The following NTM variants were observed in gnomAD, a reference collection of about 807,000 sequenced individuals.
The protein encoded by NTM is IgLON family member 2.
A neutral mutation model predicts 42.1 loss-of-function variants in NTM; 13 were observed. The ratio of observed to expected loss-of-function variants is 0.31; its 90% CI spans 0.20 to 0.49. The LOEUF (loss-of-function observed/expected upper bound fraction) is 0.49. Ranked by LOEUF, NTM falls within the 20% of genes least tolerant of loss-of-function variation. The pLI is 0.99. For missense variants in NTM, 373 were observed against 452.8 expected, an observed-to-expected ratio of 0.82 and a Z score of 1.60; for synonymous variants, 187 against 179.2, an observed-to-expected ratio of 1.04 and a Z score of -0.35.
intron 2 of NTM, among the ~76,000 whole-genome samples, chr11:132,142,587 C>A (rs532451761): frequency 6.6e-6 from 1 of 152,220 alleles, no homozygotes; most frequent in East Asian, 1.9e-4. Flanking sequence ...GAGGAGGTGA[C>A]AGAGTTGGCT....
intron 4 of NTM, among the ~76,000 whole-genome samples, chr11:132,221,808 C>T (rs2085217000): frequency 6.6e-6 from 1 of 152,148 alleles, no homozygotes; most frequent in Non-Finnish European, 1.5e-5. Flanking sequence ...GCATGAAAAT[C>T]AGGGGGCAGG....
Position 132,290,144 on chromosome 11 carries a change from G to A in NTM, c.527-17545G>A, listed in dbSNP as rs112991999. 9.6e-3 allele frequency among the ~76,000 whole-genome samples: 1,455 copies of A among 152,204 alleles called. 17 individuals carry two copies. Among genetic ancestry groups the A allele is most frequent in the Middle Eastern group, 0.034 (10 of 294 alleles). On this transcript the variant is annotated intron_variant, in intron 4 of 8. Coordinates refer to ENST00000683400, the MANE Select transcript of NTM (RefSeq NM_001352005.2). The stretch of plus-strand genomic sequence containing the variant: ...ATATTTCATTTATGTATTTTTGTCA[G>A]TTATAATGAATGGGAGAGAAAGGAT...
chr11:132,070,696 A>T (rs2057452136), intron 2 of NTM, among the ~76,000 whole-genome samples: 1 of 143,910 alleles, frequency 6.9e-6, no homozygotes, highest in African/African-American at 2.6e-5. Flanking sequence ...CGTCAAACTG[A>T]CCATCACAGG....
At chr11:131,850,829 C>T (rs1223451642) in intron 1 of NTM, among the ~76,000 whole-genome samples, 1 of 152,154 alleles carries the variant, frequency 6.6e-6, no homozygotes. Flanking sequence ...TGGGCTGAGG[C>T]GAGGGCACTG....
At chr11:132,314,754 G>C in intron 7 of NTM, 51 bp downstream of exon 7, 1 of 1,549,832 alleles carries the variant, frequency 6.5e-7, no homozygotes. Context: ...GTGCAGAACG[G>C]GAGAGCTGGG....
chr11:131,622,525 T>C (rs1313426429), intron 1 of NTM, among the ~76,000 whole-genome samples: 1 of 152,206 alleles, frequency 6.6e-6, no homozygotes, highest in Non-Finnish European at 1.5e-5. Context: ...TTTCATTTAT[T>C]ACCTCTAAAT....
chr11:132,300,622 T>G (rs2094807661), intron 4 of NTM, among the ~76,000 whole-genome samples: 1 of 152,230 alleles, frequency 6.6e-6, no homozygotes. Context: ...TTTTTAACAC[T>G]GATGGTTTCA....
At chr11:131,904,530 G>T (rs1164251172) in intron 1 of NTM, among the ~76,000 whole-genome samples, 2 of 152,168 alleles carry the variant, frequency 1.3e-5, no homozygotes, top group Non-Finnish European at 2.9e-5. Context: ...GCAGGCCCAA[G>T]ATGTTCTTAT....
At chr11:131,978,209 G>A (rs1232091787) in intron 2 of NTM, among the ~76,000 whole-genome samples, 1 of 152,102 alleles carries the variant, frequency 6.6e-6, no homozygotes, top group Non-Finnish European at 1.5e-5. Context: ...AATTGACAAT[G>A]GATGGAACAA....
intron 1 of NTM, among the ~76,000 whole-genome samples, chr11:131,452,213 T>G (rs1214566647): frequency 6.6e-6 from 1 of 152,200 alleles, no homozygotes. Context: ...AGGCATTTGT[T>G]GGCAGTGCCT....
intron 2 of NTM, chr11:132,141,029 C>T (rs2069002400): frequency 1.3e-5 from 2 of 152,230 alleles, no homozygotes; most frequent in Non-Finnish European, 2.9e-5. Context: ...GGTTGGACCG[C>T]ACACTGTCTG....
At chr11:131,716,163 G>A (rs1258513659) in intron 1 of NTM, among the ~76,000 whole-genome samples, 1 of 152,166 alleles carries the variant, frequency 6.6e-6, no homozygotes, top group Non-Finnish European at 1.5e-5. Flanking sequence ...GTCTTTACAT[G>A]GTGGAAGGGG....
chr11:132,075,421 A>G, intron 2 of NTM, among the ~76,000 whole-genome samples: 1 of 152,248 alleles, frequency 6.6e-6, no homozygotes, highest in Admixed American at 6.5e-5. Context: ...ACTCACCATT[A>G]AAAGTCCTAC....
intron 1 of NTM, among the ~76,000 whole-genome samples, chr11:131,428,770 C>T (rs1333551140): frequency 6.6e-6 from 1 of 151,424 alleles, no homozygotes; most frequent in Non-Finnish European, 1.5e-5. Context: ...GGTGATGGCT[C>T]ACGCCTATAA....
At chr11:131,992,973 G>A (rs551038979) in intron 2 of NTM, among the ~76,000 whole-genome samples, 1 of 152,232 alleles carries the variant, frequency 6.6e-6, no homozygotes, top group African/African-American at 2.4e-5. Flanking sequence ...GGGAGTTTGG[G>A]AAACATACTC....
rs181679624 is a variant in NTM at position 131,568,581 on chromosome 11, A to T, written c.82+197693A>T. Among the ~76,000 whole-genome samples the T allele has an allele frequency of 1.8e-3, 278 of 152,316 alleles. 4 individuals are homozygous for T. The highest frequency in any genetic ancestry group is 0.017 in the Admixed American group (256 of 15,310). ...GTGAAAAGAGGGTAGTCTTCCCCCAACACAGGCTGCACCCACACTTCTCAT... is the reference window on the plus strand; with the variant it reads ...GTGAAAAGAGGGTAGTCTTCCCCCATCACAGGCTGCACCCACACTTCTCAT... On this transcript the variant is annotated intron_variant, in intron 1 of 8. Coordinates refer to ENST00000683400, the MANE Select transcript of NTM (RefSeq NM_001352005.2).
intron 3 of NTM, among the ~76,000 whole-genome samples, chr11:132,180,142 G>A (rs2077355655): frequency 2.0e-5 from 3 of 152,070 alleles, no homozygotes; most frequent in Non-Finnish European, 4.4e-5. Context: ...CATTCAATAT[G>A]GGACTTCACA....
rs543963237 is a variant in NTM, at chr11:131,551,421, CA to C, written c.82+180547del. On this transcript the variant is annotated intron_variant, in intron 1 of 8. Transcript: ENST00000683400. The stretch of plus-strand genomic sequence containing the variant: ...GTGGAAACACTGGGAGAGGTTCCTC[CA>C]AAAAAAAAAAAAACGCACGATTGCA... 6.0e-3 allele frequency among the ~76,000 whole-genome samples: 521 copies of C among 86,956 alleles called. 3 individuals are homozygous for C. Among genetic ancestry groups the C allele is most frequent in the African/African-American group, 0.015 (381 of 25,642 alleles). The allele number at this position is 86,956 out of a possible 152,430, so 57.0% of individuals were successfully genotyped here. A position where few individuals can be genotyped will look rare whatever the true frequency, so the allele number is the denominator to read the frequency against.
chr11:132,251,736 G>A (rs910553632), intron 4 of NTM, among the ~76,000 whole-genome samples: 1 of 152,200 alleles, frequency 6.6e-6, no homozygotes, highest in African/African-American at 2.4e-5. Flanking sequence ...ATGATCCTCG[G>A]TGTGTATTTT....
Sources: allele counts gnomAD v4.1 joint callset (sites outside exome capture counted in the v4.1 genomes callset), GRCh38; gene constraint gnomAD v4.1.1; transcripts MANE v1.5; gene names NCBI Gene and HGNC (gene_info 2026-07-23, HGNC 2026-07-21).